The following SYNE2 variants were observed in gnomAD, a reference collection of about 807,000 sequenced individuals.
SYNE2 encodes the protein spectrin repeat containing nuclear envelope protein 2, also known as nesprin-2.
SYNE2 carries 431 observed loss-of-function variants against 856.3 expected under a neutral mutation model. That is an observed-to-expected ratio of 0.50 (90% confidence interval 0.47 to 0.55). SYNE2 has a LOEUF of 0.55. Ranked by LOEUF, SYNE2 falls within the 20% of genes least tolerant of loss-of-function variation. The pLI is 0.00. For missense variants in SYNE2, 8,129 were observed against 8,023.2 expected (o/e 1.01, Z -0.50); for synonymous variants, 2,923 against 2,872.3 (o/e 1.02, Z -0.56).
chr14:63,771,231 G>A lies in SYNE2; in HGVS notation c.-305+9245G>A, dbSNP rs537179247. Among the ~76,000 whole-genome samples the A allele has an allele frequency of 4.0e-5, 6 of 150,662 alleles. No homozygotes were observed. The South Asian group carries it at 1.1e-3, about 27-fold the overall frequency. ...ACTACAGGCGCCCACCATCACGCCC[G>A]GCTATTTTTTTTGTATTTTTAGTAG... is the stretch of plus-strand genomic sequence containing the variant. On this transcript the variant is annotated intron_variant, in intron 1 of 23. Transcript: ENST00000674003.
At chr14:64,224,128 T>G (rs1227402616) in intron 113 of SYNE2, among the ~76,000 whole-genome samples, 1 of 139,526 alleles carries the variant, frequency 7.2e-6, no homozygotes, top group Non-Finnish European at 1.5e-5. Flanking sequence ...GTGGATCACT[T>G]AAGTCCAGGA....
intron 96 of SYNE2, 50 bp from the exon 97 acceptor site, chr14:64,186,374 C>T (rs2098490931): frequency 4.3e-6 from 7 of 1,612,330 alleles, no homozygotes; most frequent in Non-Finnish European, 5.1e-6. Flanking sequence ...TTGGAAACAA[C>T]AGCCGCTTGA....
chr14:63,933,936 C>G (rs1296558344), intron 2 of SYNE2, among the ~76,000 whole-genome samples: 6 of 152,116 alleles, frequency 3.9e-5, no homozygotes, highest in African/African-American at 1.4e-4. Flanking sequence ...GCGCTGGTTC[C>G]CATTGAATAC....
chr14:64,183,075 C>A (rs1326026250), intron 96 of SYNE2, among the ~76,000 whole-genome samples: 3 of 147,882 alleles, frequency 2.0e-5, no homozygotes, highest in Non-Finnish European at 4.4e-5. Flanking sequence ...CCTCACTTCC[C>A]GGACGGGGCG....
intron 97 of SYNE2, among the ~76,000 whole-genome samples, chr14:64,187,830 C>T (rs954491950): frequency 3.9e-5 from 6 of 152,148 alleles, no homozygotes; most frequent in African/African-American, 1.2e-4. Flanking sequence ...GGCTGATTTG[C>T]ATTATTTAAA....
intron 11 of SYNE2, among the ~76,000 whole-genome samples, chr14:63,968,581 G>A (rs2096428604): frequency 6.6e-6 from 1 of 152,082 alleles, no homozygotes; most frequent in Admixed American, 6.5e-5. Context: ...TCAATTTATT[G>A]AGACATGGTT....
rs569317375 is a variant in SYNE2, at chr14:63,864,003, C to T, written c.-52+10860C>T. Among the ~76,000 whole-genome samples the T allele has an allele frequency of 5.3e-5, 8 of 151,982 alleles. No homozygotes were observed. In the South Asian group the frequency reaches 1.7e-3, roughly 32 times the overall value. On this transcript the variant is annotated intron_variant, in intron 1 of 115. Transcript: ENST00000555002. The stretch of plus-strand genomic sequence containing the variant: ...CGCTTGACTAATTTTTTGTATTTTT[C>T]GTAGAAACGGGGTTAGCCAGGCTGG...
At chr14:63,959,764 T>C (rs1454300386) in intron 8 of SYNE2, among the ~76,000 whole-genome samples, 2 of 152,302 alleles carry the variant, frequency 1.3e-5, no homozygotes, top group Non-Finnish European at 1.5e-5. Context: ...TTTTTCCTCA[T>C]GCTTTTGTTC....
chr14:64,046,232 G>GACACCTCAAGTTCTTAAAGTCCTATA (rs1426508413), intron 45 of SYNE2, among the ~76,000 whole-genome samples: 1 of 152,218 alleles, frequency 6.6e-6, no homozygotes, highest in Non-Finnish European at 1.5e-5. Flanking sequence ...GTGTCCTATA[G>GACACCTCAAGTTCTTAAAGTCCTATA]AGAACCTCAA....
chr14:63,832,772 T>C (rs1045995500), intron 1 of SYNE2, among the ~76,000 whole-genome samples: 1 of 145,928 alleles, frequency 6.9e-6, no homozygotes, highest in Non-Finnish European at 1.5e-5. Flanking sequence ...CTCACACCTG[T>C]AATCTCAACA....
chr14:64,129,091 T>C (rs1285974048), intron 74 of SYNE2, among the ~76,000 whole-genome samples: 1 of 152,184 alleles, frequency 6.6e-6, no homozygotes, highest in East Asian at 1.9e-4. Context: ...GTGGATCACT[T>C]GAAGCCAGGA....
rs373653994 is a variant in SYNE2 at position 63,764,536 on chromosome 14, A to G, written c.-305+2550A>G. Among the ~76,000 whole-genome samples, 25 of 146,962 alleles carry G rather than the reference A, an allele frequency of 1.7e-4. No individual in the cohort carries two copies. In the East Asian group the frequency reaches 4.1e-3, roughly 24 times the overall value. On this transcript the variant is annotated intron_variant, in intron 1 of 23. Coordinates refer to the SYNE2 transcript ENST00000674003. ...GCCCCCGCCTCCATCTCTTAAAAAAAAAAATCTGTTCTTTTGACTCTTTTT... is the reference window on the plus strand; with the variant it reads ...GCCCCCGCCTCCATCTCTTAAAAAAGAAAATCTGTTCTTTTGACTCTTTTT...
At chr14:64,074,527 T>G (rs1274897174) in intron 53 of SYNE2, among the ~76,000 whole-genome samples, 1 of 152,230 alleles carries the variant, frequency 6.6e-6, no homozygotes, top group African/African-American at 2.4e-5. Context: ...TGGAATCTCA[T>G]TTCTTCAGAA....
chr14:63,870,430 C>T (rs1031036656), intron 1 of SYNE2, among the ~76,000 whole-genome samples: 1 of 134,620 alleles, frequency 7.4e-6, no homozygotes, highest in Non-Finnish European at 1.6e-5. Flanking sequence ...TTTACAAGGC[C>T]ATCTCCCCCA....
upstream of SYNE2, among the ~76,000 whole-genome samples, chr14:63,851,521 T>A (rs1890453410): frequency 6.6e-6 from 1 of 152,210 alleles, no homozygotes; most frequent in South Asian, 2.1e-4. Flanking sequence ...GAACTCTGCA[T>A]TTGTGAAGAG....
chr14:63,790,970 T>G (rs2139766175), intron 1 of SYNE2, among the ~76,000 whole-genome samples: 1 of 152,142 alleles, frequency 6.6e-6, no homozygotes, highest in Non-Finnish European at 1.5e-5. Context: ...AGAAGAATTT[T>G]TTTTTTTTAG....
rs1016636107 is a variant in SYNE2, at chr14:64,024,998, C to T, written c.5927C>T (p.Thr1976Ile). The T allele has an allele frequency of 2.5e-6, 4 of 1,614,066 alleles. No individual in the cohort carries two copies. The highest frequency in any genetic ancestry group is 4.5e-5 in the East Asian group (2 of 44,850). Residue 1976 changes from threonine to isoleucine, a missense_variant, in exon 40 of 116, where the codon ACT (threonine) becomes ATT (isoleucine). Around this residue, in one of 3 missense-constraint regions of SYNE2, gnomAD observed 2,422 missense variants for 2,357.4 expected, o/e 1.03. Coordinates refer to ENST00000555002, the MANE Select transcript of SYNE2 (RefSeq NM_182914.3). ...GGAATGGAAGAACCAGGGGAGAAAACTGAGCTGTTCTGCCAAGCTTTAGCT... is the reference window on the plus strand; with the variant it reads ...GGAATGGAAGAACCAGGGGAGAAAATTGAGCTGTTCTGCCAAGCTTTAGCT... Reference protein sequence around the residue: ...WKGMEEPGEKTELFCQALARK... With the variant: ...WKGMEEPGEKIELFCQALARK...
intron 1 of SYNE2, among the ~76,000 whole-genome samples, chr14:63,856,378 C>G (rs1383617051): frequency 6.6e-6 from 1 of 152,168 alleles, no homozygotes; most frequent in Non-Finnish European, 1.5e-5. Flanking sequence ...GAACCTGTAT[C>G]TGACCACTAT....
intron 2 of SYNE2, among the ~76,000 whole-genome samples, chr14:63,918,543 C>G (rs2095558809): frequency 6.6e-6 from 1 of 152,168 alleles, no homozygotes; most frequent in African/African-American, 2.4e-5. Context: ...ATATGTGTCT[C>G]TTTGGGAGAG....
Sources: allele counts gnomAD v4.1 joint callset (sites outside exome capture counted in the v4.1 genomes callset), GRCh38; gene constraint gnomAD v4.1.1; regional missense constraint gnomAD v4.1.1; transcripts MANE v1.5; gene names NCBI Gene and HGNC (gene_info 2026-07-23, HGNC 2026-07-21).